LIX1: variants seen among roughly 807,000 people sequenced by gnomAD.
The protein encoded by LIX1 is protein limb expression 1 homolog.
LIX1 carries 24 observed loss-of-function variants against 33.4 expected under a neutral mutation model. The ratio of observed to expected loss-of-function variants is 0.72; its 90% confidence interval spans 0.52 to 1.01. The LOEUF is 1.01. Ranked by LOEUF, LIX1 falls within the 50% of genes least tolerant of loss-of-function variation. LIX1 has a pLI of 0.00. For missense variants in LIX1, 311 were observed against 339.2 expected (o/e 0.92, Z 0.65); for synonymous variants, 124 against 124.0 (o/e 1.00, Z 0.00).
intron 3 of LIX1, 105 bp downstream of exon 3, chr5:97,107,255 C>A: frequency 8.4e-7 from 1 of 1,194,982 alleles, no homozygotes; most frequent in Non-Finnish European, 1.2e-6. Context: ...ATTGAATCTA[C>A]AGAATTCTTA....
At chr5:97,098,030 C>T (rs143673972) in intron 4 of LIX1, among the ~76,000 whole-genome samples, 2 of 152,196 alleles carry the variant, frequency 1.3e-5, no homozygotes, top group Non-Finnish European at 2.9e-5. Context: ...CTCAGCTCAT[C>T]GGAACGCTCA....
intron 3 of LIX1, 72 bp downstream of exon 3, chr5:97,107,288 A>C (rs1747100201): frequency 7.0e-7 from 1 of 1,435,776 alleles, no homozygotes; most frequent in Non-Finnish European, 9.5e-7. Context: ...GCTCATGTTA[A>C]CATCTCTCAA....
At chr5:97,117,402 G>T (rs914133111) in intron 2 of LIX1, among the ~76,000 whole-genome samples, 2 of 152,176 alleles carry the variant, frequency 1.3e-5, no homozygotes, top group African/African-American at 2.4e-5. Flanking sequence ...TCCCTATTTG[G>T]GATGTGGAAT....
intron 4 of LIX1, among the ~76,000 whole-genome samples, chr5:97,100,735 G>A (rs1746649388): frequency 6.6e-6 from 1 of 151,882 alleles, no homozygotes. Flanking sequence ...TTGCTGCCTG[G>A]TGTTCGCTGG....
At chr5:97,097,415 T>C (rs1746443146) in intron 4 of LIX1, among the ~76,000 whole-genome samples, 1 of 152,268 alleles carries the variant, frequency 6.6e-6, no homozygotes, top group African/African-American at 2.4e-5. Context: ...TAAAACAAGG[T>C]ACACAACAGT....
At position 97,095,165 on chromosome 5, in the gene LIX1, T is replaced by C. The variant is rs369546590; in HGVS notation, c.562-130A>G. ...CCCCATCTCTCTCATGTTCAAAAAC[T>C]GAAACCAAAACCCACTGGTTTACTT... is the stretch of plus-strand genomic sequence containing the variant. On this transcript the variant is annotated intron_variant, in intron 5 of 5. Transcript: ENST00000274382. 1.2e-3 allele frequency: 1,085 copies of C among 926,596 alleles called. 1 individual carries two copies. The highest frequency in any genetic ancestry group is 1.6e-3 in the Non-Finnish European group (1,026 of 622,352). 57.4% of individuals were successfully genotyped at this position (926,596 alleles called of 1,614,324 possible).
chr5:97,129,930 CT>C (rs1475142212), intron 1 of LIX1, among the ~76,000 whole-genome samples: 4 of 152,212 alleles, frequency 2.6e-5, no homozygotes, highest in Non-Finnish European at 5.9e-5. Context: ...GACATTTGTT[CT>C]TGACAAAGTC....
rs1316872241 is a variant in LIX1 at position 97,092,759 on chromosome 5, T to C, written c.*1989A>G. 2 of 152,354 alleles carry C rather than the reference T, an allele frequency of 1.3e-5. No homozygotes were observed. The highest frequency in any genetic ancestry group is 4.8e-5 in the African/African-American group (2 of 41,458). The allele number at this position is 152,354 out of a possible 1,614,324, so 9.4% of individuals were successfully genotyped here. A position where few individuals can be genotyped will look rare whatever the true frequency, so the allele number is the denominator to read the frequency against. On this transcript the variant is annotated 3_prime_UTR_variant, in exon 6 of 6. Transcript: ENST00000274382. ...AGATGGTGTCAGTTTGAGGAAGTCA[T>C]TGTCAAAGGCTGCTAATGCAGTAAA...
chr5:97,141,851 T>C (rs1376129951), intron 1 of LIX1, among the ~76,000 whole-genome samples: 3 of 152,228 alleles, frequency 2.0e-5, no homozygotes, highest in Non-Finnish European at 4.4e-5. Context: ...AAATCTTGAT[T>C]GAATTATTTT....
intron 2 of LIX1, among the ~76,000 whole-genome samples, chr5:97,115,753 G>T (rs999734138): frequency 2.3e-5 from 3 of 132,004 alleles, no homozygotes; most frequent in African/African-American, 3.3e-5. Flanking sequence ...TAAGAAGCAG[G>T]ATTAAAAAAA....
At chr5:97,112,889 AC>A (rs1389096784) in intron 2 of LIX1, among the ~76,000 whole-genome samples, 2 of 151,348 alleles carry the variant, frequency 1.3e-5, no homozygotes, top group African/African-American at 2.4e-5. Flanking sequence ...TTCCCCAGTG[AC>A]CCCTGCCCCG....
At chr5:97,112,991 C>T (rs1161654931) in intron 2 of LIX1, among the ~76,000 whole-genome samples, 1 of 152,106 alleles carries the variant, frequency 6.6e-6, no homozygotes, top group African/African-American at 2.4e-5. Flanking sequence ...ATGGCAAATC[C>T]CTTCCCATAT....
At chr5:97,111,525 G>A (rs1178088301) in intron 2 of LIX1, among the ~76,000 whole-genome samples, 13 of 152,160 alleles carry the variant, frequency 8.5e-5, no homozygotes, top group South Asian at 2.1e-4. Context: ...AGCAAACAAC[G>A]TTTTTGCAAG....
At position 97,093,060 on chromosome 5, in the gene LIX1, A is replaced by G. The variant is rs1715949077; in HGVS notation, c.*1688T>C. ...ATAAAATGTGTTGAAAATTACTGTT[A>G]CCTTTAAAAGATATTAAGGTATGAC... is the stretch of plus-strand genomic sequence containing the variant. On this transcript the variant is annotated 3_prime_UTR_variant, in exon 6 of 6. Coordinates refer to ENST00000274382, the MANE Select transcript of LIX1 (RefSeq NM_153234.5). The G allele has an allele frequency of 6.6e-6, 1 of 152,228 alleles. No homozygotes were observed. Among genetic ancestry groups the G allele is most frequent in the South Asian group, 2.1e-4 (1 of 4,834 alleles). 9.4% of individuals were successfully genotyped at this position (152,228 alleles called of 1,614,324 possible).
intron 2 of LIX1, among the ~76,000 whole-genome samples, chr5:97,110,580 G>A (rs1228813821): frequency 6.6e-6 from 1 of 152,130 alleles, no homozygotes; most frequent in Non-Finnish European, 1.5e-5. Flanking sequence ...GAGTAGCTGG[G>A]ATTATAGGCA....
chr5:97,137,006 A>G, intron 1 of LIX1: 1 of 328,548 alleles, frequency 3.0e-6, no homozygotes, highest in Non-Finnish European at 6.1e-6. Context: ...CTTTTATGAA[A>G]GGCTTCTAAA....
chr5:97,096,087 A>C (rs1746362493), intron 5 of LIX1, among the ~76,000 whole-genome samples: 1 of 152,170 alleles, frequency 6.6e-6, no homozygotes, highest in African/African-American at 2.4e-5. Flanking sequence ...CCTCATACAA[A>C]TTCCTATTAG....
chr5:97,105,106 G>A lies in LIX1; in HGVS notation c.483+84C>T, dbSNP rs541361675. ...CTTAAGACCAAAAGATTATTGGGTC[G>A]GGAGATGTTAGTGATAAATGTTGCA... is the stretch of plus-strand genomic sequence containing the variant. On this transcript the variant is annotated intron_variant, in intron 4 of 5. Transcript: ENST00000274382. 81 of 1,202,628 alleles carry A rather than the reference G, an allele frequency of 6.7e-5. 1 individual carries two copies. The highest frequency in any genetic ancestry group is 1.9e-4 in the Middle Eastern group (1 of 5,230). 74.5% of individuals were successfully genotyped at this position (1,202,628 alleles called of 1,614,324 possible). A position where few individuals can be genotyped will look rare whatever the true frequency, so the allele number is the denominator to read the frequency against.
intron 2 of LIX1, among the ~76,000 whole-genome samples, chr5:97,116,196 A>C (rs1334252088): frequency 6.6e-6 from 1 of 152,182 alleles, no homozygotes; most frequent in Non-Finnish European, 1.5e-5. Context: ...AACCCCTTTC[A>C]GTGCTTTAAA....
Sources: allele counts gnomAD v4.1 joint callset (sites outside exome capture counted in the v4.1 genomes callset), GRCh38; gene constraint gnomAD v4.1.1; transcripts MANE v1.5; gene names NCBI Gene and HGNC (gene_info 2026-07-23, HGNC 2026-07-21).